GDPD5: variants seen among roughly 807,000 people sequenced by gnomAD.
GDPD5 encodes the protein glycerophosphodiester phosphodiesterase 2.
A neutral mutation model predicts 75.1 loss-of-function variants in GDPD5; 48 were observed. The observed-to-expected ratio is 0.64, with a 90% CI of 0.51 to 0.81. The LOEUF is 0.81. GDPD5 is among the 40% of genes least tolerant of loss of function. GDPD5 has a pLI of 0.00. For synonymous variants in GDPD5, 336 were observed against 339.0 expected, an observed-to-expected ratio of 0.99 and a Z score of 0.10; for missense variants, 706 against 822.6, an observed-to-expected ratio of 0.86 and a Z score of 1.73.
intron 3 of GDPD5, among the ~76,000 whole-genome samples, chr11:75,465,972 T>C (rs1383615313): frequency 6.6e-6 from 1 of 152,234 alleles, no homozygotes; most frequent in African/African-American, 2.4e-5. Context: ...GGAGGGCCCA[T>C]GGCAGCCAGG....
rs1320863699 is a variant in GDPD5 at position 75,525,387 on chromosome 11, AC to A, written c.-323del. On this transcript the variant is annotated 5_prime_UTR_variant, in exon 1 of 17. Coordinates refer to ENST00000336898, the MANE Select transcript of GDPD5 (RefSeq NM_030792.8). ...CCTAGGACCCCTCACCGAGCGCACG[AC>A]CCGGCCAGGGCTTCCCGGGCGCTCG... 1 of 151,958 alleles carries A rather than the reference AC, an allele frequency of 6.6e-6. No homozygotes were observed. The allele number at this position is 151,958 out of a possible 1,614,324, so 9.4% of individuals were successfully genotyped here. A position where few individuals can be genotyped will look rare whatever the true frequency, so the allele number is the denominator to read the frequency against.
At chr11:75,444,219 G>A (rs891848481) in intron 10 of GDPD5, among the ~76,000 whole-genome samples, 194 bp downstream of exon 10, 1 of 152,114 alleles carries the variant, frequency 6.6e-6, no homozygotes, top group African/African-American at 2.4e-5. Flanking sequence ...CTTGCACCAA[G>A]AGCATTTGTT....
chr11:75,469,190 T>C (rs1377745473), intron 3 of GDPD5, among the ~76,000 whole-genome samples: 1 of 152,150 alleles, frequency 6.6e-6, no homozygotes, highest in Non-Finnish European at 1.5e-5. Context: ...CTCTGTAGGC[T>C]GTGGCCCTGG....
chr11:75,457,044 G>A (rs1175960368), intron 5 of GDPD5, among the ~76,000 whole-genome samples: 1 of 152,228 alleles, frequency 6.6e-6, no homozygotes, highest in African/African-American at 2.4e-5. Context: ...CTCTTCCTCT[G>A]TGTGATTCCC....
In GDPD5 at chr11:75,477,618, C is replaced by T; in HGVS notation, c.117+1G>A. The T allele has an allele frequency of 1.3e-6, 2 of 1,567,202 alleles. No homozygotes were observed. The highest frequency in any genetic ancestry group is 1.7e-6 in the Non-Finnish European group (2 of 1,148,134). The stretch of plus-strand genomic sequence containing the variant: ...TCTGACCCTGTTCCAGGGTGGCTCA[C>T]CGGTGTGGTATCATCATGGGAGCGC... On this transcript the variant is annotated splice_donor_variant, in intron 3 of 16. Coordinates refer to ENST00000336898, the MANE Select transcript of GDPD5 (RefSeq NM_030792.8). LOFTEE classifies it high-confidence loss of function.
intron 13 of GDPD5, 119 bp from the exon 14 acceptor site, chr11:75,441,429 T>C (rs976262214): frequency 2.4e-5 from 33 of 1,353,196 alleles, no homozygotes; most frequent in Admixed American, 2.0e-4. Flanking sequence ...GCAAGGAACA[T>C]TGGCTCCAGA....
chr11:75,476,787 G>A (rs1338761570), intron 3 of GDPD5, among the ~76,000 whole-genome samples: 3 of 152,152 alleles, frequency 2.0e-5, no homozygotes, highest in Non-Finnish European at 1.5e-5. Flanking sequence ...AGGCAGAGGA[G>A]GGCAGACAGG....
At chr11:75,497,829 T>C (rs1223804245) in intron 1 of GDPD5, among the ~76,000 whole-genome samples, 1 of 152,146 alleles carries the variant, frequency 6.6e-6, no homozygotes, top group Non-Finnish European at 1.5e-5. Flanking sequence ...TAACCGGCCA[T>C]GGGGCTGGGA....
At chr11:75,485,108 T>C (rs1428820929) in intron 2 of GDPD5, among the ~76,000 whole-genome samples, 1 of 152,226 alleles carries the variant, frequency 6.6e-6, no homozygotes, top group African/African-American at 2.4e-5. Context: ...ATATACTGTA[T>C]AATTCCAACT....
intron 1 of GDPD5, among the ~76,000 whole-genome samples, chr11:75,495,191 C>T (rs1451611238): frequency 2.0e-5 from 3 of 151,702 alleles, no homozygotes; most frequent in South Asian, 2.1e-4. Flanking sequence ...CGCTTGAACC[C>T]GGAAGGTAGA....
chr11:75,444,299 TTCC>T, intron 10 of GDPD5, 111 bp downstream of exon 10: 1 of 763,794 alleles, frequency 1.3e-6, no homozygotes, highest in African/African-American at 1.7e-5. Context: ...AATCTAAGTC[TTCC>T]TCCTCCCATC....
At chr11:75,514,740 G>A (rs1042676370) in intron 1 of GDPD5, among the ~76,000 whole-genome samples, 10 of 152,382 alleles carry the variant, frequency 6.6e-5, no homozygotes, top group Admixed American at 6.5e-4. Flanking sequence ...GCAAGAGGAA[G>A]AAGGCTCCAA....
At chr11:75,508,021 A>G (rs1291360685) in intron 1 of GDPD5, 1 of 152,044 alleles carries the variant, frequency 6.6e-6, no homozygotes, top group African/African-American at 2.4e-5. Flanking sequence ...GAAGCTCACA[A>G]TGAGCCTGAG....
intron 1 of GDPD5, among the ~76,000 whole-genome samples, chr11:75,523,070 C>A (rs1941525083): frequency 6.6e-6 from 1 of 152,216 alleles, no homozygotes; most frequent in African/African-American, 2.4e-5. Flanking sequence ...TTTCCCCAGA[C>A]TTCCTGGTCA....
chr11:75,493,534 T>C (rs559589966), intron 1 of GDPD5, among the ~76,000 whole-genome samples: 46 of 152,134 alleles, frequency 3.0e-4, no homozygotes, highest in Non-Finnish European at 5.4e-4. Flanking sequence ...CCCGAGTAGC[T>C]GGGACTACAG....
intron 11 of GDPD5, 99 bp from the exon 12 acceptor site, chr11:75,442,680 A>T: frequency 9.3e-7 from 1 of 1,074,172 alleles, no homozygotes; most frequent in South Asian, 1.5e-5. Context: ...CTGGGCTGCC[A>T]GAGTCTGCTG....
intron 2 of GDPD5, among the ~76,000 whole-genome samples, chr11:75,486,703 A>T (rs1950026995): frequency 6.6e-6 from 1 of 152,046 alleles, no homozygotes; most frequent in African/African-American, 2.4e-5. Context: ...TGCTCATCTC[A>T]GCTCAGGTAG....
intron 3 of GDPD5, among the ~76,000 whole-genome samples, chr11:75,468,783 ATTGGGG>A (rs1949587870): frequency 6.6e-6 from 1 of 152,118 alleles, no homozygotes; most frequent in African/African-American, 2.4e-5. Context: ...GGTAAGAAAT[ATTGGGG>A]TCAAATGACC....
Position 75,492,150 on chromosome 11 carries a change from G to A in GDPD5, c.-144-1830C>T, listed in dbSNP as rs74718795. On this transcript the variant is annotated intron_variant, in intron 1 of 16. Transcript: ENST00000336898. ...AAACTACCTGTGGGGTTGTCTGGAC[G>A]CGGAGGCCGCCCCCATCCCCACTCT... Among the ~76,000 whole-genome samples, 29 of 152,292 alleles carry A rather than the reference G, an allele frequency of 1.9e-4. No homozygotes were observed. The East Asian group carries it at 2.7e-3, about 14-fold the overall frequency.
Sources: allele counts gnomAD v4.1 joint callset (sites outside exome capture counted in the v4.1 genomes callset), GRCh38; gene constraint gnomAD v4.1.1; transcripts MANE v1.5; gene names NCBI Gene and HGNC (gene_info 2026-07-23, HGNC 2026-07-21).